The following SEMA3E variants were observed in gnomAD, a reference collection of about 807,000 sequenced individuals.
SEMA3E encodes semaphorin-3E.
Under a neutral mutation model 93.6 loss-of-function variants are expected in SEMA3E, and 49 were observed. The observed-to-expected ratio is 0.52, with a 90% CI of 0.42 to 0.66. The LOEUF (loss-of-function observed/expected upper bound fraction) is 0.66. Ranked by LOEUF, SEMA3E falls within the 30% of genes least tolerant of loss-of-function variation. The pLI, the probability that SEMA3E is intolerant of heterozygous loss-of-function variation, is 0.00. For missense variants in SEMA3E, 906 were observed against 964.8 expected (o/e 0.94, Z 0.81); for synonymous variants, 363 against 330.7 (o/e 1.10, Z -1.06).
intron 16 of SEMA3E, among the ~76,000 whole-genome samples, chr7:83,382,671 AC>A (rs1787800007): frequency 6.6e-6 from 1 of 151,492 alleles, no homozygotes; most frequent in Admixed American, 6.6e-5. Flanking sequence ...ACTTATTATT[AC>A]TTAATTATAA....
intron 1 of SEMA3E, among the ~76,000 whole-genome samples, chr7:83,511,048 CTG>C (rs1790806892): frequency 6.6e-6 from 1 of 152,056 alleles, no homozygotes; most frequent in African/African-American, 2.4e-5. Context: ...AAAAATAAGT[CTG>C]TGTTGAAATC....
intron 1 of SEMA3E, among the ~76,000 whole-genome samples, chr7:83,531,605 G>A (rs1372463472): frequency 6.6e-6 from 1 of 151,972 alleles, no homozygotes; most frequent in East Asian, 1.9e-4. Context: ...TGCCCACTTT[G>A]GCCTCCCAAA....
chr7:83,465,616 G>A (rs962037512), intron 4 of SEMA3E, among the ~76,000 whole-genome samples: 21 of 152,198 alleles, frequency 1.4e-4, no homozygotes, highest in African/African-American at 5.1e-4. Context: ...TTTCATAAAT[G>A]GAATATAAGA....
intron 1 of SEMA3E, among the ~76,000 whole-genome samples, chr7:83,632,615 T>C (rs1413262535): frequency 6.6e-6 from 1 of 152,222 alleles, no homozygotes; most frequent in East Asian, 1.9e-4. Context: ...CATGTGGAAC[T>C]GTAAGTACAT....
intron 1 of SEMA3E, among the ~76,000 whole-genome samples, chr7:83,618,581 G>A (rs73708514): frequency 4.2e-4 from 64 of 152,022 alleles, no homozygotes; most frequent in African/African-American, 1.3e-3. Flanking sequence ...GACAGTAATT[G>A]ATCAAGTATT....
At chr7:83,527,722 A>T (rs897646078) in intron 1 of SEMA3E, among the ~76,000 whole-genome samples, 1 of 151,980 alleles carries the variant, frequency 6.6e-6, no homozygotes, top group Non-Finnish European at 1.5e-5. Context: ...TAGCATTTTC[A>T]TGAAGTATTT....
rs115046350 is a variant in SEMA3E at position 83,529,823 on chromosome 7, G to C, written c.116-39549C>G. ...TTAGAAAAGGAAAATTTGGGCATTC[G>C]TATGCCCTTGATTTCTCCCTTTCCC... On this transcript the variant is annotated intron_variant, in intron 1 of 16. Transcript: ENST00000643230. Among the ~76,000 whole-genome samples, 1,369 of 152,022 alleles carry C rather than the reference G, an allele frequency of 9.0e-3. 24 individuals are homozygous for C. The highest frequency in any genetic ancestry group is 0.031 in the African/African-American group (1,302 of 41,502).
At position 83,367,701 on chromosome 7, in the gene SEMA3E, T is replaced by G; in HGVS notation, c.2213A>C (p.Lys738Thr). 1.2e-6 allele frequency: 2 copies of G among 1,614,114 alleles called. No individual in the cohort carries two copies. Among genetic ancestry groups the G allele is most frequent in the South Asian group, 2.2e-5 (2 of 91,070 alleles). The change falls in exon 17 of 17, where the codon AAG (lysine) becomes ACG (threonine). Residue 738 changes from lysine to threonine, a missense_variant. Coordinates refer to ENST00000643230, the MANE Select transcript of SEMA3E (RefSeq NM_012431.3). ...YCEKVWCTDR[K>T]RKKLKMSPSK... ...GGGTGACATTTTAAGCTTTTTCCTC[T>G]TTCTATCTGTGCACCATACTTTCTC...
At chr7:83,442,490 T>C (rs1472912846) in intron 4 of SEMA3E, among the ~76,000 whole-genome samples, 1 of 152,190 alleles carries the variant, frequency 6.6e-6, no homozygotes, top group Non-Finnish European at 1.5e-5. Context: ...CAATGTAAAT[T>C]TCTATTATCT....
chr7:83,586,717 A>G (rs924118998), intron 1 of SEMA3E, among the ~76,000 whole-genome samples: 1 of 151,894 alleles, frequency 6.6e-6, no homozygotes, highest in Non-Finnish European at 1.5e-5. Flanking sequence ...TCTCAACATT[A>G]TAATAAAAAT....
chr7:83,527,065 G>GA (rs753634230), intron 1 of SEMA3E, among the ~76,000 whole-genome samples: 148 of 152,216 alleles, frequency 9.7e-4, no homozygotes, highest in Non-Finnish European at 1.8e-3. Flanking sequence ...AAGGGAAGGG[G>GA]AATTTGGATA....
intron 1 of SEMA3E, among the ~76,000 whole-genome samples, chr7:83,617,531 ATTTTATATAAG>A (rs1376396640): frequency 5.4e-4 from 79 of 146,034 alleles, no homozygotes; most frequent in South Asian, 1.0e-3. Flanking sequence ...TTTTATATAA[ATTTTATATAAG>A]TAATATATAA....
intron 2 of SEMA3E, among the ~76,000 whole-genome samples, chr7:83,474,738 G>T (rs542779570): frequency 2.6e-5 from 4 of 152,252 alleles, no homozygotes; most frequent in African/African-American, 9.6e-5. Flanking sequence ...ACACCTGAGA[G>T]GAGTCACTGA....
At chr7:83,518,881 A>G (rs746084724) in intron 1 of SEMA3E, among the ~76,000 whole-genome samples, 4 of 152,116 alleles carry the variant, frequency 2.6e-5, no homozygotes, top group Non-Finnish European at 5.9e-5. Context: ...ACTTCATAGC[A>G]TAATGAAACT....
At chr7:83,406,549 CAT>C (rs1318277731) in intron 7 of SEMA3E, among the ~76,000 whole-genome samples, 2 of 144,872 alleles carry the variant, frequency 1.4e-5, no homozygotes, top group African/African-American at 2.4e-5. Flanking sequence ...TATATGCACA[CAT>C]ATTTATATGT....
At chr7:83,426,689 A>G (rs1226700294) in intron 4 of SEMA3E, among the ~76,000 whole-genome samples, 1 of 152,192 alleles carries the variant, frequency 6.6e-6, no homozygotes, top group East Asian at 1.9e-4. Flanking sequence ...AATTATTAAA[A>G]ACATACAAAA....
At chr7:83,483,667 C>T (rs1790193906) in intron 2 of SEMA3E, among the ~76,000 whole-genome samples, 1 of 151,856 alleles carries the variant, frequency 6.6e-6, no homozygotes, top group African/African-American at 2.4e-5. Context: ...GAAAGGTCAA[C>T]AAGCTGGGAC....
chr7:83,599,989 T>G (rs1332911087), intron 1 of SEMA3E, among the ~76,000 whole-genome samples: 1 of 152,200 alleles, frequency 6.6e-6, no homozygotes, highest in Non-Finnish European at 1.5e-5. Context: ...AATACTTAAT[T>G]TTGAGTAATT....
At chr7:83,548,496 T>C (rs1199963742) in intron 1 of SEMA3E, among the ~76,000 whole-genome samples, 1 of 152,068 alleles carries the variant, frequency 6.6e-6, no homozygotes, top group East Asian at 1.9e-4. Flanking sequence ...GTTTCAGTCG[T>C]GTGCATTATT....
Sources: gnomAD v4.1 joint callset for allele counts (sites outside exome capture counted in the v4.1 genomes callset) on GRCh38, gnomAD v4.1.1 for gene constraint, MANE v1.5 for transcripts, NCBI Gene and HGNC (gene_info 2026-07-23, HGNC 2026-07-21) for gene names.